Variants in ADGRL3 observed in about 807,000 individuals in gnomAD.
The protein encoded by ADGRL3 is adhesion G protein-coupled receptor L3, also known as calcium-independent alpha-latrotoxin receptor 3.
In ADGRL3, 62 loss-of-function variants were observed where a neutral mutation model predicts 153.5. The observed-to-expected ratio is 0.40, with a 90% CI of 0.33 to 0.50. The LOEUF (loss-of-function observed/expected upper bound fraction) is 0.50, where lower values mean the gene tolerates loss of function less well. Among genes scored for constraint, ADGRL3 ranks in the 20% least tolerant of loss-of-function variants. The pLI is 0.47. For synonymous variants in ADGRL3, 710 were observed against 672.5 expected (o/e 1.06, Z -0.86); for missense variants, 1,641 against 1,859.4 (o/e 0.88, Z 2.16).
At chr4:61,563,749 C>T (rs2098804961) in intron 4 of ADGRL3, among the ~76,000 whole-genome samples, 1 of 152,144 alleles carries the variant, frequency 6.6e-6, no homozygotes, top group East Asian at 1.9e-4. Flanking sequence ...GTGGCTCACG[C>T]CTGTAATCCC....
chr4:61,634,720 A>G (rs374355746), intron 5 of ADGRL3, among the ~76,000 whole-genome samples: 12 of 152,334 alleles, frequency 7.9e-5, no homozygotes, highest in African/African-American at 2.6e-4. Flanking sequence ...TAAAAAGTGA[A>G]TGCCCTTCCC....
chr4:62,037,638 A>G lies in ADGRL3; in HGVS notation c.3592-93A>G, dbSNP rs1725810835. Reference sequence around the variant, plus strand: ...ATCTGTAGGGCAAGGAAATAATTACATTATCTAAAAATAAAACTCACATAC... The same window carrying G: ...ATCTGTAGGGCAAGGAAATAATTACGTTATCTAAAAATAAAACTCACATAC... On this transcript the variant is annotated intron_variant, in intron 23 of 26. Coordinates refer to ENST00000683033, the MANE Select transcript of ADGRL3 (RefSeq NM_001387552.1). 3.0e-6 allele frequency: 4 copies of G among 1,328,282 alleles called. No homozygotes were observed. The Admixed American group carries it at 7.0e-5, about 23-fold the overall frequency. 82.3% of individuals were successfully genotyped at this position (1,328,282 alleles called of 1,614,324 possible).
intron 4 of ADGRL3, among the ~76,000 whole-genome samples, chr4:61,541,007 G>A (rs753891096): frequency 4.6e-5 from 7 of 152,228 alleles, no homozygotes; most frequent in Non-Finnish European, 7.3e-5. Flanking sequence ...CAGCTGAGCT[G>A]AGGAGGTAAG....
rs562851327 is a variant in ADGRL3, at chr4:61,369,993, C to G, written c.-239-13131C>G. 6.6e-3 allele frequency among the ~76,000 whole-genome samples: 1,003 copies of G among 152,016 alleles called. 12 individuals are homozygous for G. Among genetic ancestry groups the G allele is most frequent in the African/African-American group, 0.023 (947 of 41,508 alleles). Reference sequence around the variant, plus strand: ...GTGTCAAGGAATTTATCCATTTCTTCTAGATTTTCTAGTTTATTTGCATAG... The same window carrying G: ...GTGTCAAGGAATTTATCCATTTCTTGTAGATTTTCTAGTTTATTTGCATAG... On this transcript the variant is annotated intron_variant, in intron 1 of 26. Transcript: ENST00000683033.
intron 6 of ADGRL3, among the ~76,000 whole-genome samples, chr4:61,696,272 A>G (rs571629188): frequency 6.6e-6 from 1 of 152,254 alleles, no homozygotes; most frequent in East Asian, 1.9e-4. Flanking sequence ...TAAGTTCCCA[A>G]AGTTATTGGG....
chr4:61,516,623 A>T (rs1294549986), intron 3 of ADGRL3, among the ~76,000 whole-genome samples: 2 of 152,056 alleles, frequency 1.3e-5, no homozygotes, highest in East Asian at 3.9e-4. Context: ...GGTCTTTCAT[A>T]TTTACTCATT....
intron 19 of ADGRL3, 113 bp from the exon 20 acceptor site, chr4:61,996,178 G>A: frequency 1.5e-6 from 1 of 675,218 alleles, no homozygotes; most frequent in South Asian, 1.9e-5. Context: ...AATATTTCCT[G>A]TCTCCCAGTG....
chr4:61,790,556 A>G (rs766457362), intron 8 of ADGRL3, among the ~76,000 whole-genome samples: 3 of 152,256 alleles, frequency 2.0e-5, no homozygotes, highest in Non-Finnish European at 4.4e-5. Flanking sequence ...TAAAAGTTAT[A>G]TTAATGTGGT....
chr4:62,059,937 A>G (rs983145277), intron 25 of ADGRL3, among the ~76,000 whole-genome samples: 6 of 152,104 alleles, frequency 3.9e-5, no homozygotes, highest in African/African-American at 1.4e-4. Flanking sequence ...CTACACAAAA[A>G]CTGAAAAGGA....
At chr4:61,344,325 T>C (rs1470822066) in intron 1 of ADGRL3, among the ~76,000 whole-genome samples, 1 of 152,228 alleles carries the variant, frequency 6.6e-6, no homozygotes, top group Non-Finnish European at 1.5e-5. Context: ...TTAGTGATTC[T>C]GATAGGTTGC....
At chr4:61,347,211 A>G (rs1004149361) in intron 1 of ADGRL3, among the ~76,000 whole-genome samples, 3 of 152,008 alleles carry the variant, frequency 2.0e-5, no homozygotes, top group Admixed American at 2.0e-4. Context: ...TGTGCCTTTC[A>G]TTACACCAAA....
intron 1 of ADGRL3, among the ~76,000 whole-genome samples, chr4:61,320,267 A>G (rs555994741): frequency 1.3e-5 from 2 of 152,322 alleles, no homozygotes; most frequent in South Asian, 4.1e-4. Context: ...GTACCTTCTT[A>G]TATGCAAATA....
intron 1 of ADGRL3, among the ~76,000 whole-genome samples, chr4:61,219,505 A>C (rs1043367970): frequency 6.6e-6 from 1 of 152,194 alleles, no homozygotes; most frequent in Non-Finnish European, 1.5e-5. Flanking sequence ...ATAGTGATTT[A>C]TTTATAAATA....
intron 4 of ADGRL3, among the ~76,000 whole-genome samples, chr4:61,543,141 C>G (rs978657621): frequency 1.4e-5 from 2 of 143,826 alleles, no homozygotes; most frequent in East Asian, 4.5e-4. Flanking sequence ...CCCTCCCCCC[C>G]ACCCCCCCAC....
intron 8 of ADGRL3, among the ~76,000 whole-genome samples, chr4:61,749,785 A>G (rs891420659): frequency 3.3e-5 from 5 of 152,100 alleles, no homozygotes; most frequent in South Asian, 4.2e-4. Flanking sequence ...GGTGCAGTAC[A>G]CCAGCATGGC....
intron 4 of ADGRL3, among the ~76,000 whole-genome samples, chr4:61,522,904 A>G (rs759725562): frequency 1.2e-4 from 18 of 152,122 alleles, no homozygotes; most frequent in Non-Finnish European, 2.2e-4. Flanking sequence ...GGAATGTCCT[A>G]TAGACCACCT....
At chr4:61,690,572 C>G (rs1461574276) in intron 6 of ADGRL3, among the ~76,000 whole-genome samples, 1 of 152,018 alleles carries the variant, frequency 6.6e-6, no homozygotes, top group African/African-American at 2.4e-5. Flanking sequence ...TTGCTGTCTC[C>G]CATATTCACC....
chr4:61,363,089 T>G (rs567157943), intron 1 of ADGRL3, among the ~76,000 whole-genome samples: 1 of 152,312 alleles, frequency 6.6e-6, no homozygotes, highest in South Asian at 2.1e-4. Flanking sequence ...TTGAGGAACT[T>G]AAAATATTTC....
rs878956181 is a variant in ADGRL3 at position 61,813,900 on chromosome 4, C to A, written c.1480+11C>A. 4 of 1,610,746 alleles carry A rather than the reference C, an allele frequency of 2.5e-6. No homozygotes were observed. Among genetic ancestry groups the A allele is most frequent in the East Asian group, 2.2e-5 (1 of 44,804 alleles). On this transcript the variant is annotated intron_variant, in intron 9 of 26. Transcript: ENST00000683033. The stretch of plus-strand genomic sequence containing the variant: ...GACCCTCTGTTAAAGGTGAGTTTTT[C>A]TTTATATGAAGAAAAAGTAACTCTG...
Sources: gnomAD v4.1 joint callset for allele counts (sites outside exome capture counted in the v4.1 genomes callset) on GRCh38, gnomAD v4.1.1 for gene constraint, MANE v1.5 for transcripts, NCBI Gene and HGNC (gene_info 2026-07-23, HGNC 2026-07-21) for gene names.